The following A1CF variants were observed in gnomAD, a reference collection of about 807,000 sequenced individuals.
A1CF encodes APOBEC1 complementation factor.
A1CF carries 48 observed loss-of-function variants against 68.9 expected under a neutral mutation model. The observed-to-expected ratio is 0.70, with a 90% CI of 0.55 to 0.89. A1CF has a LOEUF of 0.89. A1CF is among the 40% of genes least tolerant of loss of function. The pLI is 0.00. For synonymous variants in A1CF, 272 were observed against 260.4 expected (o/e 1.04, Z -0.43); for missense variants, 653 against 718.9 (o/e 0.91, Z 1.05).
intron 2 of A1CF, among the ~76,000 whole-genome samples, chr10:50,863,581 A>T (rs2132543813): frequency 6.6e-6 from 1 of 152,312 alleles, no homozygotes; most frequent in African/African-American, 2.4e-5. Flanking sequence ...GTAGATGAGA[A>T]AAAATAAAAC....
At chr10:50,860,176 G>T (rs1320686193) in intron 2 of A1CF, among the ~76,000 whole-genome samples, 191 bp from the exon 3 acceptor site, 2 of 151,598 alleles carry the variant, frequency 1.3e-5, no homozygotes, top group African/African-American at 4.9e-5. Context: ...GCACAATATT[G>T]GTTGAAATTT....
Position 50,806,709 on chromosome 10 carries a change from T to C in A1CF, c.*20A>G. ...TAATAGAGTTTTGTGTGTCTTATTC[T>C]TAAATTTAAAAAAGCATCTTCAGAA... On this transcript the variant is annotated 3_prime_UTR_variant, in exon 13 of 13. Transcript: ENST00000373997. 6.4e-7 allele frequency: 1 copy of C among 1,570,136 alleles called. No homozygotes were observed. Among genetic ancestry groups the C allele is most frequent in the Non-Finnish European group, 8.6e-7 (1 of 1,163,296 alleles).
At chr10:50,871,193 A>G (rs571572709) in intron 1 of A1CF, among the ~76,000 whole-genome samples, 1 of 152,018 alleles carries the variant, frequency 6.6e-6, no homozygotes, top group Admixed American at 6.5e-5. Context: ...ACTATATAAT[A>G]TGATTGAAAC....
chr10:50,856,642 T>C (rs930759195), intron 3 of A1CF, among the ~76,000 whole-genome samples: 10 of 152,080 alleles, frequency 6.6e-5, no homozygotes, highest in Admixed American at 3.9e-4. Flanking sequence ...AGAATCTTAA[T>C]CTCACAAGTT....
intron 1 of A1CF, among the ~76,000 whole-genome samples, chr10:50,885,291 G>A (rs1841954407): frequency 6.6e-6 from 1 of 152,140 alleles, no homozygotes; most frequent in South Asian, 2.1e-4. Context: ...TGTCTGGTTA[G>A]AGCTAAATAA....
chr10:50,812,318 CTTTGGGATTGTT>C (rs1460034618), intron 10 of A1CF, among the ~76,000 whole-genome samples: 1 of 152,184 alleles, frequency 6.6e-6, no homozygotes, highest in Non-Finnish European at 1.5e-5. Flanking sequence ...CACAACTCTA[CTTTGGGATTGTT>C]TAGGCCCCAT....
At chr10:50,860,163 A>G (rs932766853) in intron 2 of A1CF, among the ~76,000 whole-genome samples, 178 bp from the exon 3 acceptor site, 8 of 152,132 alleles carry the variant, frequency 5.3e-5, no homozygotes, top group Non-Finnish European at 7.3e-5. Context: ...AACTTTTAAA[A>G]ATGCACAATA....
intron 3 of A1CF, among the ~76,000 whole-genome samples, chr10:50,848,912 G>A (rs1344517136): frequency 6.6e-6 from 1 of 152,138 alleles, no homozygotes; most frequent in Non-Finnish European, 1.5e-5. Flanking sequence ...CCTGTGCATG[G>A]TTCTTAAAGT....
intron 1 of A1CF, among the ~76,000 whole-genome samples, chr10:50,882,940 G>A (rs1216292997): frequency 6.6e-6 from 1 of 152,094 alleles, no homozygotes; most frequent in East Asian, 1.9e-4. Context: ...GTGTCCCATG[G>A]GTTTGGGTGA....
intron 8 of A1CF, 43 bp downstream of exon 8, chr10:50,820,509 A>G (rs1384832605): frequency 6.4e-6 from 10 of 1,570,086 alleles, no homozygotes; most frequent in Non-Finnish European, 8.7e-6. Flanking sequence ...TCCACACCAA[A>G]CTTGGATGTA....
chr10:50,826,203 T>C lies in A1CF; in HGVS notation c.769+1928A>G, dbSNP rs1588984043. Among the ~76,000 whole-genome samples, 5 of 152,262 alleles carry C rather than the reference T, an allele frequency of 3.3e-5. No individual in the cohort carries two copies. The South Asian group carries it at 6.2e-4, about 19-fold the overall frequency. On this transcript the variant is annotated intron_variant, in intron 7 of 12. Coordinates refer to ENST00000373997, the MANE Select transcript of A1CF (RefSeq NM_014576.4). ...AGAGGGGAAAAACTCATGAAATTTATAGTTTAGTGAAGAAAATAGATATTC... is the reference window on the plus strand; with the variant it reads ...AGAGGGGAAAAACTCATGAAATTTACAGTTTAGTGAAGAAAATAGATATTC...
intron 1 of A1CF, among the ~76,000 whole-genome samples, chr10:50,870,707 A>G (rs1841225093): frequency 6.6e-6 from 1 of 151,842 alleles, no homozygotes; most frequent in Non-Finnish European, 1.5e-5. Flanking sequence ...TTTAAAAGCA[A>G]ATTATTCCTT....
At chr10:50,807,965 G>A (rs1837913705) in intron 12 of A1CF, among the ~76,000 whole-genome samples, 1 of 152,154 alleles carries the variant, frequency 6.6e-6, no homozygotes, top group African/African-American at 2.4e-5. Flanking sequence ...ATTCATTTTG[G>A]TCAGTAATGC....
intron 1 of A1CF, among the ~76,000 whole-genome samples, chr10:50,866,630 G>C (rs1841003785): frequency 1.3e-5 from 2 of 152,210 alleles, no homozygotes; most frequent in Admixed American, 1.3e-4. Context: ...CTGTTAGCTG[G>C]ATAGTATGTC....
intron 5 of A1CF, among the ~76,000 whole-genome samples, chr10:50,838,250 C>T (rs1036718244): frequency 9.2e-5 from 14 of 152,118 alleles, no homozygotes; most frequent in African/African-American, 2.7e-4. Flanking sequence ...GTCTCCTACG[C>T]TTTGCTGAAG....
chr10:50,817,642 T>A (rs974234733), intron 8 of A1CF, among the ~76,000 whole-genome samples: 1 of 152,168 alleles, frequency 6.6e-6, no homozygotes, highest in Admixed American at 6.5e-5. Context: ...GGTATAAGAT[T>A]CTTTATATCT....
At chr10:50,868,352 C>T (rs1299588592) in intron 1 of A1CF, among the ~76,000 whole-genome samples, 1 of 152,074 alleles carries the variant, frequency 6.6e-6, no homozygotes, top group Non-Finnish European at 1.5e-5. Flanking sequence ...CTCTAATATC[C>T]ACCTTGGAAA....
At chr10:50,830,760 A>G (rs1021109182) in intron 6 of A1CF, among the ~76,000 whole-genome samples, 1 of 152,166 alleles carries the variant, frequency 6.6e-6, no homozygotes, top group Non-Finnish European at 1.5e-5. Flanking sequence ...GAAATAGAAA[A>G]TACAATTCTA....
intron 1 of A1CF, among the ~76,000 whole-genome samples, chr10:50,868,872 G>A (rs919903634): frequency 6.6e-6 from 1 of 152,134 alleles, no homozygotes; most frequent in African/African-American, 2.4e-5. Context: ...GGAACCTGCT[G>A]CAGAGGAGGA....
Sources: gnomAD v4.1 joint callset for allele counts (sites outside exome capture counted in the v4.1 genomes callset) on GRCh38, gnomAD v4.1.1 for gene constraint, MANE v1.5 for transcripts, NCBI Gene and HGNC (gene_info 2026-07-23, HGNC 2026-07-21) for gene names.